The following XYLT1 variants were observed in gnomAD, a reference collection of about 807,000 sequenced individuals.
The protein encoded by XYLT1 is beta-D-xylosyltransferase 1.
XYLT1 carries 36 observed loss-of-function variants against 91.3 expected under a neutral mutation model. The observed-to-expected ratio is 0.39, with a 90% CI of 0.30 to 0.52. The LOEUF is 0.52. Ranked by LOEUF, XYLT1 falls within the 20% of genes least tolerant of loss-of-function variation. XYLT1 has a pLI of 0.68. For synonymous variants in XYLT1, 588 were observed against 532.0 expected (o/e 1.11, Z -1.45); for missense variants, 1,242 against 1,284.5 (o/e 0.97, Z 0.51).
chr16:17,205,266 T>G (rs1402671400), intron 3 of XYLT1, among the ~76,000 whole-genome samples: 2 of 152,246 alleles, frequency 1.3e-5, no homozygotes, highest in Non-Finnish European at 2.9e-5. Flanking sequence ...ACGAGGACTA[T>G]GTAATCCTTG....
At chr16:17,265,665 G>C (rs1439991859) in intron 2 of XYLT1, among the ~76,000 whole-genome samples, 1 of 152,116 alleles carries the variant, frequency 6.6e-6, no homozygotes, top group African/African-American at 2.4e-5. Flanking sequence ...ATTTCAATCA[G>C]GTAGAAATAT....
Position 17,254,249 on chromosome 16 carries a change from T to C in XYLT1, c.913+4739A>G, listed in dbSNP as rs763363049. Among the ~76,000 whole-genome samples the C allele has an allele frequency of 4.6e-5, 7 of 152,078 alleles. No individual in the cohort carries two copies. The East Asian group carries it at 5.8e-4, about 13-fold the overall frequency. ...AGCAGTAATACCAACCTCTCCTCCT[T>C]CTTCTCCTCCTTTTCCTCAACTCAA... is the stretch of plus-strand genomic sequence containing the variant. On this transcript the variant is annotated intron_variant, in intron 3 of 11. Transcript: ENST00000261381.
chr16:17,370,384 C>A (rs1026245788), intron 1 of XYLT1, among the ~76,000 whole-genome samples: 2 of 152,216 alleles, frequency 1.3e-5, no homozygotes, highest in Non-Finnish European at 2.9e-5. Context: ...GGGGGACCCT[C>A]GCTCACATGC....
chr16:17,122,375 G>C (rs11075340), intron 10 of XYLT1, among the ~76,000 whole-genome samples: 1 of 152,144 alleles, frequency 6.6e-6, no homozygotes, highest in African/African-American at 2.4e-5. Context: ...TCATATGTTC[G>C]TTGGCCATTT....
chr16:17,300,917 A>G (rs1294702605), intron 2 of XYLT1, among the ~76,000 whole-genome samples: 2 of 152,178 alleles, frequency 1.3e-5, no homozygotes, highest in East Asian at 1.9e-4. Flanking sequence ...AGAGCAATCC[A>G]TAAGACAATT....
chr16:17,393,823 T>C (rs2035851314), intron 1 of XYLT1, among the ~76,000 whole-genome samples: 1 of 152,062 alleles, frequency 6.6e-6, no homozygotes, highest in Non-Finnish European at 1.5e-5. Context: ...TCGCCCAGGC[T>C]AGAGTGCAGT....
chr16:17,323,481 T>C (rs1273210016), intron 2 of XYLT1, among the ~76,000 whole-genome samples: 1 of 152,174 alleles, frequency 6.6e-6, no homozygotes, highest in East Asian at 1.9e-4. Flanking sequence ...ATAAAACACA[T>C]GAAACCAACA....
chr16:17,427,432 A>G (rs2036333320), intron 1 of XYLT1, among the ~76,000 whole-genome samples: 1 of 152,206 alleles, frequency 6.6e-6, no homozygotes, highest in South Asian at 2.1e-4. Context: ...AGCTGGGACT[A>G]CAAGTGTGCA....
chr16:17,454,894 ATT>A (rs1156769289), intron 1 of XYLT1, among the ~76,000 whole-genome samples: 1 of 109,330 alleles, frequency 9.1e-6, no homozygotes, highest in African/African-American at 4.5e-5. Flanking sequence ...ACAAAATATC[ATT>A]CTTTCCTCCC....
intron 1 of XYLT1, among the ~76,000 whole-genome samples, chr16:17,361,916 C>T (rs2035386923): frequency 6.6e-6 from 1 of 152,192 alleles, no homozygotes; most frequent in Non-Finnish European, 1.5e-5. Context: ...CTGGGCTTAA[C>T]TTCTATGCGT....
chr16:17,372,222 A>G (rs1270035543), intron 1 of XYLT1, among the ~76,000 whole-genome samples: 1 of 152,232 alleles, frequency 6.6e-6, no homozygotes, highest in Admixed American at 6.5e-5. Flanking sequence ...CGAGGGAAAT[A>G]TTACAGTTGT....
intron 2 of XYLT1, among the ~76,000 whole-genome samples, chr16:17,267,826 T>A (rs530631898): frequency 6.6e-6 from 1 of 152,318 alleles, no homozygotes; most frequent in Admixed American, 6.5e-5. Context: ...TGCCTCAGTT[T>A]CCTTCTCTGT....
At chr16:17,234,037 C>G (rs1481472448) in intron 3 of XYLT1, among the ~76,000 whole-genome samples, 1 of 152,180 alleles carries the variant, frequency 6.6e-6, no homozygotes, top group African/African-American at 2.4e-5. Context: ...AATGACATGG[C>G]TCCTCCATAC....
At chr16:17,437,071 A>G (rs1452952737) in intron 1 of XYLT1, among the ~76,000 whole-genome samples, 1 of 152,182 alleles carries the variant, frequency 6.6e-6, no homozygotes, top group Non-Finnish European at 1.5e-5. Context: ...TGTGGCAGGT[A>G]AACAGTATGG....
intron 8 of XYLT1, 44 bp downstream of exon 8, chr16:17,138,311 G>GAAGGCATCAC: frequency 1.3e-6 from 2 of 1,585,678 alleles, no homozygotes; most frequent in Non-Finnish European, 8.6e-7. Flanking sequence ...GGTTTGTTGG[G>GAAGGCATCAC]AAGGCATCAC....
At chr16:17,344,517 CT>C in intron 2 of XYLT1, among the ~76,000 whole-genome samples, 1 of 151,200 alleles carries the variant, frequency 6.6e-6, no homozygotes, top group Admixed American at 6.6e-5. Flanking sequence ...AAGAATAATC[CT>C]GTCCCAAATG....
intron 2 of XYLT1, among the ~76,000 whole-genome samples, chr16:17,288,244 A>C (rs1481959109): frequency 1.3e-5 from 2 of 151,316 alleles, no homozygotes; most frequent in Non-Finnish European, 2.9e-5. Context: ...ATAATTCTTC[A>C]GGTGGGGGCC....
At chr16:17,170,110 T>C (rs2031789686) in intron 5 of XYLT1, among the ~76,000 whole-genome samples, 1 of 152,162 alleles carries the variant, frequency 6.6e-6, no homozygotes, top group South Asian at 2.1e-4. Context: ...GTTACTTGTG[T>C]GTTGTGGGTA....
chr16:17,149,295 T>C (rs200227281), intron 6 of XYLT1, among the ~76,000 whole-genome samples: 1 of 152,332 alleles, frequency 6.6e-6, no homozygotes, highest in East Asian at 1.9e-4. Flanking sequence ...CTGTAAGTTT[T>C]AGAAGGAATA....
Sources: allele counts gnomAD v4.1 joint callset (sites outside exome capture counted in the v4.1 genomes callset), GRCh38; gene constraint gnomAD v4.1.1; transcripts MANE v1.5; gene names NCBI Gene and HGNC (gene_info 2026-07-23, HGNC 2026-07-21).